The following SEMA3E variants were observed in gnomAD, a reference collection of about 807,000 sequenced individuals.
SEMA3E encodes semaphorin-3E.
In SEMA3E, 49 loss-of-function variants were observed where a neutral mutation model predicts 93.6. That is an observed-to-expected ratio of 0.52 (90% CI 0.42 to 0.66). The LOEUF is 0.66. Among genes scored for constraint, SEMA3E ranks in the 30% least tolerant of loss-of-function variants. SEMA3E has a pLI of 0.00. For missense variants in SEMA3E, 906 were observed against 964.8 expected (o/e 0.94, Z 0.81); for synonymous variants, 363 against 330.7 (o/e 1.10, Z -1.06).
At chr7:83,505,446 T>C (rs1333261269) in intron 1 of SEMA3E, among the ~76,000 whole-genome samples, 1 of 152,192 alleles carries the variant, frequency 6.6e-6, no homozygotes, top group East Asian at 1.9e-4. Context: ...ACCTGTTTTG[T>C]TCCCAAAATT....
At chr7:83,621,674 T>A (rs1316822980) in intron 1 of SEMA3E, among the ~76,000 whole-genome samples, 1 of 151,958 alleles carries the variant, frequency 6.6e-6, no homozygotes, top group African/African-American at 2.4e-5. Context: ...AATAGAGAAC[T>A]CAGAAATAAG....
rs74882493 is a variant in SEMA3E, at chr7:83,575,960, G to A, written c.115+72468C>T. Among the ~76,000 whole-genome samples the A allele has an allele frequency of 7.5e-3, 1,144 of 152,188 alleles. 17 individuals are homozygous for A. The highest frequency in any genetic ancestry group is 0.026 in the African/African-American group (1,062 of 41,502). On this transcript the variant is annotated intron_variant, in intron 1 of 16. Coordinates refer to ENST00000643230, the MANE Select transcript of SEMA3E (RefSeq NM_012431.3). ...CAGGTGGTGAAGCATTTATTGAATTGCATAGTTTTAAGTTTTCAAACGATG... is the reference window on the plus strand; with the variant it reads ...CAGGTGGTGAAGCATTTATTGAATTACATAGTTTTAAGTTTTCAAACGATG...
chr7:83,456,314 CAT>C (rs1045180902), intron 4 of SEMA3E, among the ~76,000 whole-genome samples: 2 of 152,078 alleles, frequency 1.3e-5, no homozygotes, highest in Non-Finnish European at 2.9e-5. Context: ...CAGAGGTAGA[CAT>C]AAACTTGTAG....
intron 1 of SEMA3E, chr7:83,616,472 A>G (rs542726647): frequency 1.2e-5 from 3 of 244,384 alleles, no homozygotes; most frequent in South Asian, 1.2e-4. Context: ...AAATTGCTTT[A>G]ATACATTTTA....
At chr7:83,413,119 A>C (rs2115674352) in intron 5 of SEMA3E, among the ~76,000 whole-genome samples, 1 of 152,254 alleles carries the variant, frequency 6.6e-6, no homozygotes, top group Admixed American at 6.6e-5. Context: ...ACTTTTCTAT[A>C]TAACTCCTTT....
At chr7:83,648,340 C>A in intron 1 of SEMA3E, 88 bp downstream of exon 1, 4 of 916,450 alleles carry the variant, frequency 4.4e-6, no homozygotes, top group Middle Eastern at 2.8e-4. Context: ...AGACCATAAG[C>A]CTATGTTAAT....
intron 1 of SEMA3E, among the ~76,000 whole-genome samples, chr7:83,582,320 T>G (rs1191589720): frequency 1.3e-5 from 2 of 151,556 alleles, no homozygotes; most frequent in Non-Finnish European, 2.9e-5. Context: ...AAATTAAAAT[T>G]TAATTTTTAT....
At chr7:83,617,460 A>T (rs1413895188) in intron 1 of SEMA3E, among the ~76,000 whole-genome samples, 1 of 127,236 alleles carries the variant, frequency 7.9e-6, no homozygotes, top group African/African-American at 2.8e-5. Flanking sequence ...TATATAAATA[A>T]TATATAATTT....
intron 4 of SEMA3E, among the ~76,000 whole-genome samples, chr7:83,426,756 C>T (rs192199364): frequency 8.5e-4 from 129 of 152,194 alleles, no homozygotes; most frequent in African/African-American, 3.0e-3. Context: ...TATTATGCTA[C>T]GTTGTACATG....
At chr7:83,493,652 T>C (rs1281450659) in intron 1 of SEMA3E, among the ~76,000 whole-genome samples, 1 of 151,930 alleles carries the variant, frequency 6.6e-6, no homozygotes, top group Non-Finnish European at 1.5e-5. Flanking sequence ...CCCTGACCAA[T>C]GCCATTCAAC....
At chr7:83,397,150 A>C (rs947932491) in intron 11 of SEMA3E, among the ~76,000 whole-genome samples, 1 of 152,080 alleles carries the variant, frequency 6.6e-6, no homozygotes, top group Non-Finnish European at 1.5e-5. Context: ...AAACATGTTA[A>C]TCACTGTCAG....
rs2115957981 is a variant in SEMA3E, at chr7:83,594,398, C to T, written c.115+54030G>A. Among the ~76,000 whole-genome samples, 2 of 152,120 alleles carry T rather than the reference C, an allele frequency of 1.3e-5. 1 individual carries two copies. Among genetic ancestry groups the T allele is most frequent in the South Asian group, 4.1e-4 (2 of 4,820 alleles). ...GGGAAATATGCCAAATATATGTAAA[C>T]AAACGAACCATTTCCAAGAATGCTG... On this transcript the variant is annotated intron_variant, in intron 1 of 16. Coordinates refer to ENST00000643230, the MANE Select transcript of SEMA3E (RefSeq NM_012431.3).
At chr7:83,460,695 C>G (rs1562792122) in intron 4 of SEMA3E, among the ~76,000 whole-genome samples, 1 of 150,078 alleles carries the variant, frequency 6.7e-6, no homozygotes, top group East Asian at 2.0e-4. Context: ...TTTCTGCACC[C>G]CAATCCCTTA....
At position 83,418,073 on chromosome 7, in the gene SEMA3E, C is replaced by A. The variant is rs11980420; in HGVS notation, c.550+317G>T. ...CACATATATTAAAATAGTTTCATTT[C>A]TCTGGCAAAATTTTTATAAAGTCTT... On this transcript the variant is annotated intron_variant, in intron 5 of 16. Coordinates refer to ENST00000643230, the MANE Select transcript of SEMA3E (RefSeq NM_012431.3). 5.0e-3 allele frequency among the ~76,000 whole-genome samples: 766 copies of A among 152,206 alleles called. 7 individuals carry two copies. The highest frequency in any genetic ancestry group is 0.017 in the African/African-American group (721 of 41,532).
rs146772548 is a variant in SEMA3E at position 83,455,258 on chromosome 7, C to T, written c.456+11224G>A. 7.0e-4 allele frequency among the ~76,000 whole-genome samples: 107 copies of T among 152,240 alleles called. 1 individual carries two copies. Among genetic ancestry groups the T allele is most frequent in the African/African-American group, 2.4e-3 (99 of 41,536 alleles). ...TATGGCAGCAGTCTATATTCAAATG[C>T]TTATGCCCTCAAGGACAATCAAATT... On this transcript the variant is annotated intron_variant, in intron 4 of 16. Transcript: ENST00000643230.
intron 11 of SEMA3E, among the ~76,000 whole-genome samples, chr7:83,397,192 AT>A (rs1483703945): frequency 1.3e-5 from 2 of 152,150 alleles, no homozygotes; most frequent in African/African-American, 4.8e-5. Context: ...ATAAACTCAT[AT>A]TTTTAATTAG....
At chr7:83,480,284 C>T (rs954764697) in intron 2 of SEMA3E, among the ~76,000 whole-genome samples, 3 of 152,012 alleles carry the variant, frequency 2.0e-5, no homozygotes, top group African/African-American at 4.8e-5. Flanking sequence ...ACCAAAATTA[C>T]AAAACAAAAT....
intron 2 of SEMA3E, among the ~76,000 whole-genome samples, chr7:83,477,518 A>G (rs927191847): frequency 6.6e-6 from 1 of 152,124 alleles, no homozygotes; most frequent in African/African-American, 2.4e-5. Context: ...CTTTATACTT[A>G]ATTATAATAA....
Position 83,563,975 on chromosome 7 carries a change from A to G in SEMA3E, c.116-73701T>C, listed in dbSNP as rs370932256. ...TTTCAACTAAATTGACCATTTCTCCATTTCTCAGCCAGTTCAACTGATTGT... is the reference window on the plus strand; with the variant it reads ...TTTCAACTAAATTGACCATTTCTCCGTTTCTCAGCCAGTTCAACTGATTGT... On this transcript the variant is annotated intron_variant, in intron 1 of 16. Transcript: ENST00000643230. Among the ~76,000 whole-genome samples the G allele has an allele frequency of 2.6e-5, 4 of 152,146 alleles. No homozygotes were observed. In the South Asian group the frequency reaches 8.3e-4, roughly 32 times the overall value.
Sources: allele counts gnomAD v4.1 joint callset (sites outside exome capture counted in the v4.1 genomes callset), GRCh38; gene constraint gnomAD v4.1.1; transcripts MANE v1.5; gene names NCBI Gene and HGNC (gene_info 2026-07-23, HGNC 2026-07-21).